Variants in PDE4D observed in about 807,000 individuals in gnomAD.
The protein encoded by PDE4D is 3',5'-cyclic-AMP phosphodiesterase 4D.
PDE4D carries 24 observed loss-of-function variants against 87.4 expected under a neutral mutation model. The ratio of observed to expected loss-of-function variants is 0.27; its 90% confidence interval spans 0.20 to 0.39. PDE4D has a LOEUF of 0.39. PDE4D is among the 10% of genes least tolerant of loss of function. The pLI, the probability that PDE4D is intolerant of heterozygous loss-of-function variation, is 1.00. For missense variants in PDE4D, 714 were observed against 1,041.0 expected (o/e 0.69, Z 4.32); for synonymous variants, 384 against 383.2 (o/e 1.00, Z -0.02).
intron 1 of PDE4D, among the ~76,000 whole-genome samples, chr5:60,326,069 GA>G (rs1353207988): frequency 6.6e-6 from 1 of 152,106 alleles, no homozygotes. Context: ...TTCACCCACT[GA>G]AGGACATCTG....
intron 3 of PDE4D, among the ~76,000 whole-genome samples, chr5:59,922,169 G>A (rs767935735): frequency 1.3e-5 from 2 of 152,174 alleles, no homozygotes; most frequent in Non-Finnish European, 2.9e-5. Context: ...GCCCTAGCCA[G>A]AGTGAAATTG....
At chr5:59,655,868 A>C (rs1744266891) in intron 1 of PDE4D, among the ~76,000 whole-genome samples, 1 of 152,214 alleles carries the variant, frequency 6.6e-6, no homozygotes, top group South Asian at 2.1e-4. Context: ...ATAGTTACAC[A>C]GCTGGCTGGA....
intron 1 of PDE4D, among the ~76,000 whole-genome samples, chr5:59,229,150 T>G (rs1754556210): frequency 6.6e-6 from 1 of 152,206 alleles, no homozygotes; most frequent in Non-Finnish European, 1.5e-5. Context: ...GAGATTTTTT[T>G]TTAAAAATCT....
At position 60,133,070 on chromosome 5, in the gene PDE4D, C is replaced by T. The variant is rs142682483; in HGVS notation, c.42+52487G>A. Among the ~76,000 whole-genome samples the T allele has an allele frequency of 8.3e-3, 1,258 of 152,228 alleles. 13 individuals carry two copies. The highest frequency in any genetic ancestry group is 0.028 in the African/African-American group (1,160 of 41,552). ...AGCTAAATAATAAAAGCTCATGTTTCCACATAAAAAGGCATCAAAGTCCAA... is the reference window on the plus strand; with the variant it reads ...AGCTAAATAATAAAAGCTCATGTTTTCACATAAAAAGGCATCAAAGTCCAA... On this transcript the variant is annotated intron_variant, in intron 2 of 16. Transcript: ENST00000502484.
At chr5:59,424,254 A>G (rs1794893466) in intron 1 of PDE4D, among the ~76,000 whole-genome samples, 1 of 152,214 alleles carries the variant, frequency 6.6e-6, no homozygotes, top group South Asian at 2.1e-4. Context: ...GTTACTGCTA[A>G]TAATTTTTAC....
chr5:59,649,802 A>G (rs1561402352), intron 1 of PDE4D, among the ~76,000 whole-genome samples: 1 of 151,356 alleles, frequency 6.6e-6, no homozygotes, highest in African/African-American at 2.4e-5. Context: ...ATGAATGAAG[A>G]AAAAGACACA....
chr5:60,430,447 G>T (rs921912229), intron 1 of PDE4D, among the ~76,000 whole-genome samples: 11 of 151,296 alleles, frequency 7.3e-5, no homozygotes, highest in Non-Finnish European at 1.6e-4. Context: ...TGCCTCGCAT[G>T]CCATTCCCCC....
chr5:59,377,293 T>C (rs1784886889), intron 1 of PDE4D, among the ~76,000 whole-genome samples: 2 of 151,902 alleles, frequency 1.3e-5, no homozygotes, highest in African/African-American at 4.8e-5. Context: ...GGCGGGCGCC[T>C]GTAGTCCCAG....
At chr5:60,236,486 A>G (rs1039394571) in intron 1 of PDE4D, among the ~76,000 whole-genome samples, 18 of 152,078 alleles carry the variant, frequency 1.2e-4, no homozygotes, top group African/African-American at 3.6e-4. Flanking sequence ...TAAGCACATG[A>G]AAAGATGTTC....
At chr5:60,469,086 C>A (rs888752931) in intron 1 of PDE4D, among the ~76,000 whole-genome samples, 2 of 152,096 alleles carry the variant, frequency 1.3e-5, no homozygotes, top group Non-Finnish European at 2.9e-5. Context: ...TTTATAAAAT[C>A]CACGTCTTTC....
chr5:59,974,655 T>C (rs146167222), intron 3 of PDE4D, among the ~76,000 whole-genome samples: 1 of 152,340 alleles, frequency 6.6e-6, no homozygotes, highest in East Asian at 1.9e-4. Flanking sequence ...TTAACACCCA[T>C]CAGTCAGAGG....
intron 1 of PDE4D, among the ~76,000 whole-genome samples, chr5:59,290,075 G>A (rs1412061980): frequency 6.6e-6 from 1 of 151,944 alleles, no homozygotes; most frequent in Admixed American, 6.6e-5. Context: ...GATCAATATT[G>A]TTAAAACGTT....
intron 1 of PDE4D, among the ~76,000 whole-genome samples, chr5:59,878,915 T>TTA (rs1749011280): frequency 8.4e-6 from 1 of 118,582 alleles, no homozygotes; most frequent in African/African-American, 3.5e-5. Flanking sequence ...TTTTTTTTTT[T>TTA]TGAGACAGAG....
At chr5:59,414,637 T>C (rs1205430288) in intron 1 of PDE4D, among the ~76,000 whole-genome samples, 2 of 152,230 alleles carry the variant, frequency 1.3e-5, no homozygotes, top group African/African-American at 2.4e-5. Flanking sequence ...GACAAAGGAA[T>C]GTCATTCACT....
At chr5:59,721,146 G>C (rs1378481603) in intron 1 of PDE4D, among the ~76,000 whole-genome samples, 1 of 151,996 alleles carries the variant, frequency 6.6e-6, no homozygotes, top group Non-Finnish European at 1.5e-5. Context: ...AGTTTAGATC[G>C]AGTTTAGCAC....
At chr5:59,633,038 A>AT (rs2150155442) in intron 1 of PDE4D, among the ~76,000 whole-genome samples, 1 of 152,338 alleles carries the variant, frequency 6.6e-6, no homozygotes, top group African/African-American at 2.4e-5. Context: ...AGAGAAGAAC[A>AT]TAAATAACCT....
At chr5:59,264,049 T>C (rs1264768527) in intron 1 of PDE4D, among the ~76,000 whole-genome samples, 1 of 152,070 alleles carries the variant, frequency 6.6e-6, no homozygotes, top group African/African-American at 2.4e-5. Context: ...TATTTGTATG[T>C]ATGCATAAAA....
intron 1 of PDE4D, among the ~76,000 whole-genome samples, chr5:59,495,473 A>G (rs1407611298): frequency 6.6e-6 from 1 of 152,180 alleles, no homozygotes; most frequent in African/African-American, 2.4e-5. Context: ...ATAAATAGAG[A>G]CATGAAAGGG....
chr5:59,434,868 C>G (rs542572685), intron 1 of PDE4D, among the ~76,000 whole-genome samples: 1 of 152,214 alleles, frequency 6.6e-6, no homozygotes, highest in South Asian at 2.1e-4. Flanking sequence ...TAGATAATAG[C>G]TAACACTGAT....
Sources: gnomAD v4.1 joint callset for allele counts (sites outside exome capture counted in the v4.1 genomes callset) on GRCh38, gnomAD v4.1.1 for gene constraint, MANE v1.5 for transcripts, NCBI Gene and HGNC (gene_info 2026-07-23, HGNC 2026-07-21) for gene names.